Variants in ANXA4 observed in about 807,000 individuals in gnomAD.
ANXA4 encodes annexin A4, also known as 35-beta calcimedin.
Under a neutral mutation model 49.8 loss-of-function variants are expected in ANXA4, and 39 were observed. That is an observed-to-expected ratio of 0.78 (90% CI 0.61 to 1.02). ANXA4 has a LOEUF of 1.02. Ranked by LOEUF, ANXA4 falls within the 50% of genes least tolerant of loss-of-function variation. ANXA4 has a pLI of 0.00. For missense variants in ANXA4, 360 were observed against 410.1 expected (o/e 0.88, Z 1.05); for synonymous variants, 134 against 152.5 (o/e 0.88, Z 0.89).
At chr2:69,813,876 G>T (rs1430839014) in intron 8 of ANXA4, among the ~76,000 whole-genome samples, 1 of 149,728 alleles carries the variant, frequency 6.7e-6, no homozygotes, top group Non-Finnish European at 1.5e-5. Context: ...TCCCACCTCA[G>T]CCTCCTGAGT....
At chr2:69,749,656 C>T (rs1319685048) in intron 1 of ANXA4, among the ~76,000 whole-genome samples, 1 of 151,736 alleles carries the variant, frequency 6.6e-6, no homozygotes, top group Non-Finnish European at 1.5e-5. Flanking sequence ...ATGATGGAGG[C>T]TCTCACACCT....
At chr2:69,756,571 ATGAACATT>A (rs1671045733) in intron 1 of ANXA4, among the ~76,000 whole-genome samples, 1 of 152,186 alleles carries the variant, frequency 6.6e-6, no homozygotes, top group Non-Finnish European at 1.5e-5. Flanking sequence ...AGCTTTTATT[ATGAACATT>A]TTCCAATATA....
At chr2:69,817,931 G>A (rs6744970) in intron 9 of ANXA4, 34,047 of 152,052 alleles carry the variant, frequency 0.22, 4,148 homozygotes, top group African/African-American at 0.32. Context: ...CAGAGGTTGT[G>A]GTGTATGTTG....
intron 2 of ANXA4, among the ~76,000 whole-genome samples, chr2:69,659,461 G>A (rs916482490): frequency 1.3e-5 from 2 of 152,142 alleles, no homozygotes; most frequent in Non-Finnish European, 2.9e-5. Context: ...TTCTTTTAGA[G>A]AGAAGGGTCT....
At chr2:69,720,826 G>A (rs977962351) in exon 3 of ANXA4, 1 of 152,074 alleles carries the variant, frequency 6.6e-6, no homozygotes, top group Middle Eastern at 3.2e-3. Context: ...CTGCATAAGA[G>A]GTCCTAGAAG....
At chr2:69,780,262 T>G (rs549851107) in intron 1 of ANXA4, among the ~76,000 whole-genome samples, 1 of 152,320 alleles carries the variant, frequency 6.6e-6, no homozygotes, top group East Asian at 1.9e-4. Context: ...TGGCATGATC[T>G]TGGCTCGCTG....
chr2:69,775,746 T>C (rs1303186255), intron 1 of ANXA4, among the ~76,000 whole-genome samples: 1 of 152,132 alleles, frequency 6.6e-6, no homozygotes, highest in Non-Finnish European at 1.5e-5. Context: ...CCCCATGCAT[T>C]TTTAGCCTTA....
intron 4 of ANXA4, among the ~76,000 whole-genome samples, chr2:69,805,839 A>C (rs2103817095): frequency 6.6e-6 from 1 of 152,328 alleles, no homozygotes; most frequent in East Asian, 1.9e-4. Context: ...CCTATTAGAA[A>C]CTAAAACTGA....
intron 2 of ANXA4, among the ~76,000 whole-genome samples, chr2:69,701,987 ATCT>A (rs1005292820): frequency 4.0e-4 from 61 of 151,978 alleles, no homozygotes; most frequent in Non-Finnish European, 4.1e-4. Flanking sequence ...TTGTACACAG[ATCT>A]TCTTGCTGTT....
intron 1 of ANXA4, among the ~76,000 whole-genome samples, chr2:69,757,340 G>T (rs1484590030): frequency 1.5e-5 from 2 of 136,342 alleles, no homozygotes; most frequent in East Asian, 2.1e-4. Flanking sequence ...GCATGATCTC[G>T]GCTCACTGCA....
At chr2:69,760,645 A>G (rs985909457) in intron 1 of ANXA4, among the ~76,000 whole-genome samples, 7 of 152,092 alleles carry the variant, frequency 4.6e-5, no homozygotes, top group Non-Finnish European at 8.8e-5. Context: ...GCATTTTGAC[A>G]TAGGTGCATA....
intron 3 of ANXA4, among the ~76,000 whole-genome samples, chr2:69,735,655 T>C (rs1401952219): frequency 6.6e-6 from 1 of 151,998 alleles, no homozygotes; most frequent in Non-Finnish European, 1.5e-5. Context: ...TCAGTGAGTA[T>C]TTAGAGAGGA....
rs538775556 is a variant in ANXA4, at chr2:69,756,575, A to G, written c.-47+14400A>G. ...GCTTTAAAAAAAGCTTTTATTATGA[A>G]CATTTTCCAATATACACCCAAGTGA... is the stretch of plus-strand genomic sequence containing the variant. On this transcript the variant is annotated intron_variant, in intron 1 of 12. Coordinates refer to ENST00000394295, the MANE Select transcript of ANXA4 (RefSeq NM_001153.5). Among the ~76,000 whole-genome samples the G allele has an allele frequency of 7.9e-5, 12 of 152,276 alleles. No homozygotes were observed. The South Asian group carries it at 1.7e-3, about 21-fold the overall frequency.
intron 1 of ANXA4, among the ~76,000 whole-genome samples, chr2:69,742,408 T>C (rs2105469266): frequency 6.6e-6 from 1 of 152,260 alleles, no homozygotes; most frequent in East Asian, 1.9e-4. Flanking sequence ...GCTGGCACCA[T>C]CCAGGACATC....
chr2:69,669,270 A>G (rs1160940093), intron 2 of ANXA4, among the ~76,000 whole-genome samples: 1 of 151,598 alleles, frequency 6.6e-6, no homozygotes, highest in Non-Finnish European at 1.5e-5. Context: ...TTTGTCAAAC[A>G]ATTTATTACC....
intron 2 of ANXA4, among the ~76,000 whole-genome samples, chr2:69,698,048 G>A: frequency 6.6e-6 from 1 of 151,530 alleles, no homozygotes; most frequent in South Asian, 2.1e-4. Context: ...ATTTCTCACA[G>A]ATCTGGAGGC....
chr2:69,756,172 G>A (rs1365533479), intron 1 of ANXA4, among the ~76,000 whole-genome samples: 1 of 152,232 alleles, frequency 6.6e-6, no homozygotes, highest in East Asian at 1.9e-4. Context: ...TTGTGGGTTA[G>A]GGTTGGTGTA....
At chr2:69,771,109 G>GAAA (rs70954358) in intron 1 of ANXA4, among the ~76,000 whole-genome samples, 1 of 104,748 alleles carries the variant, frequency 9.5e-6, no homozygotes. Context: ...AAAAAAAAAA[G>GAAA]AAAAAAAAAA....
intron 6 of ANXA4, chr2:69,808,457 T>C (rs1362379898): frequency 1.9e-5 from 3 of 154,906 alleles, no homozygotes; most frequent in Non-Finnish European, 2.9e-5. Context: ...ACGTATGAAG[T>C]GCCTTTAAAA....
Sources: gnomAD v4.1 joint callset for allele counts (sites outside exome capture counted in the v4.1 genomes callset) on GRCh38, gnomAD v4.1.1 for gene constraint, MANE v1.5 for transcripts, NCBI Gene and HGNC (gene_info 2026-07-23, HGNC 2026-07-21) for gene names.